Variants in FAXC observed in about 807,000 individuals in gnomAD.
The protein encoded by FAXC is failed axon connections homolog, metaxin like GST domain containing.
FAXC carries 10 observed loss-of-function variants against 41.9 expected under a neutral mutation model. That is an observed-to-expected ratio of 0.24 (90% CI 0.15 to 0.41). The LOEUF is 0.41. Ranked by LOEUF, FAXC falls within the 10% of genes least tolerant of loss-of-function variation. The pLI is 1.00. For synonymous variants in FAXC, 183 were observed against 183.8 expected (o/e 1.00, Z 0.03); for missense variants, 399 against 510.9 (o/e 0.78, Z 2.11).
chr6:99,302,637 C>T (rs1771758563), intron 4 of FAXC, among the ~76,000 whole-genome samples: 1 of 152,036 alleles, frequency 6.6e-6, no homozygotes, highest in Non-Finnish European at 1.5e-5. Flanking sequence ...GCCTGGTTTA[C>T]AGAGCAATAC....
At position 99,278,835 on chromosome 6, in the gene FAXC, T is replaced by C. The variant is rs919804344; in HGVS notation, c.*2329A>G. 2 of 152,216 alleles carry C rather than the reference T, an allele frequency of 1.3e-5. No individual in the cohort carries two copies. The highest frequency in any genetic ancestry group is 2.4e-5 in the African/African-American group (1 of 41,458). The allele number at this position is 152,216 out of a possible 1,614,324, so 9.4% of individuals were successfully genotyped here. A position where few individuals can be genotyped will look rare whatever the true frequency, so the allele number is the denominator to read the frequency against. ...TTATTTTACAACTTCATTTTCAAAG[T>C]TGGTTCTCCACATACTTGTATTCCA... On this transcript the variant is annotated 3_prime_UTR_variant, in exon 6 of 6. Coordinates refer to ENST00000389677, the MANE Select transcript of FAXC (RefSeq NM_032511.4).
intron 4 of FAXC, among the ~76,000 whole-genome samples, chr6:99,294,302 G>A (rs1375830348): frequency 6.6e-6 from 1 of 152,208 alleles, no homozygotes; most frequent in Non-Finnish European, 1.5e-5. Context: ...GGTGCATCCC[G>A]CTGGCGCCAT....
At chr6:99,289,324 G>A (rs186626308) in intron 5 of FAXC, among the ~76,000 whole-genome samples, 69 of 152,156 alleles carry the variant, frequency 4.5e-4, no homozygotes, top group Non-Finnish European at 3.8e-4. Context: ...CTTACGTGGG[G>A]ATACATCTCC....
intron 2 of FAXC, chr6:99,334,561 A>C (rs757892351): frequency 1.1e-6 from 1 of 921,562 alleles, no homozygotes; most frequent in Non-Finnish European, 1.3e-6. Flanking sequence ...CTGCTAATAC[A>C]TCTAACATTC....
intron 4 of FAXC, among the ~76,000 whole-genome samples, chr6:99,305,518 A>C (rs1454012801): frequency 6.6e-6 from 1 of 152,148 alleles, no homozygotes; most frequent in Non-Finnish European, 1.5e-5. Context: ...TTTACAAACC[A>C]GGCATAATAA....
At chr6:99,343,676 A>AGGAATAACAGT (rs1378323907) in intron 1 of FAXC, among the ~76,000 whole-genome samples, 2 of 152,200 alleles carry the variant, frequency 1.3e-5, no homozygotes, top group African/African-American at 4.8e-5. Flanking sequence ...CATAAGACCC[A>AGGAATAACAGT]GGAATAACAG....
chr6:99,309,412 G>A (rs1004460472), intron 4 of FAXC, among the ~76,000 whole-genome samples: 7 of 151,972 alleles, frequency 4.6e-5, no homozygotes, highest in Admixed American at 2.0e-4. Flanking sequence ...CTAAGAACTC[G>A]GTATTTATTA....
chr6:99,333,326 C>A (rs371493536), intron 3 of FAXC, 25 bp downstream of exon 3: 2 of 1,560,134 alleles, frequency 1.3e-6, no homozygotes, highest in Non-Finnish European at 1.7e-6. Flanking sequence ...TTCGAAAGGA[C>A]GGGGACACCC....
intron 4 of FAXC, among the ~76,000 whole-genome samples, chr6:99,302,644 A>G (rs928211935): frequency 2.6e-5 from 4 of 152,146 alleles, no homozygotes; most frequent in African/African-American, 9.7e-5. Flanking sequence ...TTACAGAGCA[A>G]TACTCTGTCT....
intron 4 of FAXC, among the ~76,000 whole-genome samples, chr6:99,294,863 A>G (rs921105063): frequency 6.6e-6 from 1 of 152,218 alleles, no homozygotes; most frequent in Non-Finnish European, 1.5e-5. Flanking sequence ...CAAATAGCGC[A>G]TATAATGTCT....
At chr6:99,350,004 C>T (rs1451970106), upstream of FAXC, 1 of 152,218 alleles carries the variant, frequency 6.6e-6, no homozygotes, top group Non-Finnish European at 1.5e-5. Context: ...GTAGGGAACG[C>T]GCAGGACTCA....
At chr6:99,331,790 C>G (rs1028324009) in intron 3 of FAXC, among the ~76,000 whole-genome samples, 1 of 152,218 alleles carries the variant, frequency 6.6e-6, no homozygotes, top group Non-Finnish European at 1.5e-5. Flanking sequence ...TTTCCCTTCA[C>G]AGCAGCAGAA....
chr6:99,330,314 A>T (rs911344423), intron 3 of FAXC, among the ~76,000 whole-genome samples: 1 of 152,168 alleles, frequency 6.6e-6, no homozygotes. Context: ...GTCACCCAAA[A>T]TCAGTTTCAT....
At chr6:99,322,451 A>G (rs1315523182) in intron 4 of FAXC, among the ~76,000 whole-genome samples, 3 of 151,994 alleles carry the variant, frequency 2.0e-5, no homozygotes, top group African/African-American at 7.3e-5. Context: ...CAAATTCTAA[A>G]CTCTACTTCC....
chr6:99,344,808 T>G (rs1386313982), intron 1 of FAXC, among the ~76,000 whole-genome samples: 1 of 152,120 alleles, frequency 6.6e-6, no homozygotes, highest in Non-Finnish European at 1.5e-5. Context: ...GACACAAATT[T>G]CAGAACCGAC....
intron 3 of FAXC, among the ~76,000 whole-genome samples, chr6:99,331,397 C>T (rs1773018831): frequency 6.6e-6 from 1 of 152,152 alleles, no homozygotes; most frequent in South Asian, 2.1e-4. Context: ...CCCACCCACA[C>T]TCCACCCCGC....
chr6:99,321,633 T>G (rs148905157), intron 4 of FAXC, among the ~76,000 whole-genome samples: 5 of 152,360 alleles, frequency 3.3e-5, no homozygotes, highest in African/African-American at 7.2e-5. Flanking sequence ...TCCAGACTTT[T>G]AATGCTGTTT....
chr6:99,311,690 A>G (rs1298227461), intron 4 of FAXC, among the ~76,000 whole-genome samples: 1 of 152,194 alleles, frequency 6.6e-6, no homozygotes, highest in Non-Finnish European at 1.5e-5. Context: ...ACCCCTCCTC[A>G]GCTATCATGA....
intron 4 of FAXC, among the ~76,000 whole-genome samples, chr6:99,320,136 G>C (rs957644887): frequency 6.6e-6 from 1 of 152,168 alleles, no homozygotes; most frequent in Non-Finnish European, 1.5e-5. Flanking sequence ...GACACCAGTT[G>C]TTGGCTTAAT....
Sources: gnomAD v4.1 joint callset for allele counts (sites outside exome capture counted in the v4.1 genomes callset) on GRCh38, gnomAD v4.1.1 for gene constraint, MANE v1.5 for transcripts, NCBI Gene and HGNC (gene_info 2026-07-23, HGNC 2026-07-21) for gene names.